DIP2C: variants seen among roughly 807,000 people sequenced by gnomAD.
The protein encoded by DIP2C is disco-interacting protein 2 homolog C.
A neutral mutation model predicts 192.4 loss-of-function variants in DIP2C; 33 were observed. The ratio of observed to expected loss-of-function variants is 0.17; its 90% CI spans 0.13 to 0.23. The LOEUF is 0.23. Ranked by LOEUF, DIP2C falls within the 10% of genes least tolerant of loss-of-function variation. DIP2C has a pLI of 1.00. For synonymous variants in DIP2C, 979 were observed against 864.1 expected, an observed-to-expected ratio of 1.13 and a Z score of -2.33; for missense variants, 1,537 against 2,110.1, an observed-to-expected ratio of 0.73 and a Z score of 5.32.
chr10:342,573 C>T (rs529566239), intron 28 of DIP2C, among the ~76,000 whole-genome samples: 11 of 152,342 alleles, frequency 7.2e-5, no homozygotes, highest in African/African-American at 2.4e-4. Context: ...TGGACATAGC[C>T]TCTGCTGTGC....
intron 1 of DIP2C, among the ~76,000 whole-genome samples, chr10:614,719 C>A (rs932901471): frequency 2.6e-5 from 4 of 152,256 alleles, no homozygotes; most frequent in Non-Finnish European, 5.9e-5. Flanking sequence ...GTAATCAAAT[C>A]TTTATTCTAA....
At chr10:457,176 C>T (rs1476961210) in intron 3 of DIP2C, among the ~76,000 whole-genome samples, 1 of 152,182 alleles carries the variant, frequency 6.6e-6, no homozygotes, top group Non-Finnish European at 1.5e-5. Flanking sequence ...GACTTCCAAG[C>T]TCCTTAGGTG....
In DIP2C at chr10:662,727, A is replaced by C. The variant is rs375961539; in HGVS notation, c.85+26767T>G. The C allele has an allele frequency of 5.7e-5, 34 of 592,166 alleles. No homozygotes were observed. In the South Asian group the frequency reaches 7.9e-4, roughly 14 times the overall value. 36.7% of individuals were successfully genotyped at this position (592,166 alleles called of 1,614,324 possible). A position where few individuals can be genotyped will look rare whatever the true frequency, so the allele number is the denominator to read the frequency against. ...GAAAATATATACAATGTTTGAGGAAATAATTTTTAAAGGTTTCAAATCTAA... is the reference window on the plus strand; with the variant it reads ...GAAAATATATACAATGTTTGAGGAACTAATTTTTAAAGGTTTCAAATCTAA... On this transcript the variant is annotated intron_variant, in intron 1 of 36. Transcript: ENST00000280886.
At chr10:344,170 G>A (rs932424072) in intron 28 of DIP2C, among the ~76,000 whole-genome samples, 2 of 152,148 alleles carry the variant, frequency 1.3e-5, no homozygotes, top group African/African-American at 4.8e-5. Context: ...GCTAACTTCA[G>A]ACCACAGTAA....
In DIP2C at chr10:357,897, A is replaced by C; in HGVS notation, c.2835T>G (p.Ser945=). Residue 945 remains serine (S), a synonymous_variant, in exon 23 of 37, where the codon TCT becomes TCG. Transcript: ENST00000280886. ...PASVMVGNLV[S]GKRIAQASGR... is the part of the protein sequence containing the mutation. ...CACTGGCCTGGGCGATTCTCTTCCCAGAGACCAGGTTCCCCACCATCACAG... is the reference window on the plus strand; with the variant it reads ...CACTGGCCTGGGCGATTCTCTTCCCCGAGACCAGGTTCCCCACCATCACAG... 1 of 1,612,742 alleles carries C rather than the reference A, an allele frequency of 6.2e-7. No individual in the cohort carries two copies. Among genetic ancestry groups the C allele is most frequent in the Non-Finnish European group, 8.5e-7 (1 of 1,179,912 alleles).
chr10:456,336 C>T (rs1367946960), intron 3 of DIP2C, among the ~76,000 whole-genome samples: 1 of 131,654 alleles, frequency 7.6e-6, no homozygotes, highest in Non-Finnish European at 1.5e-5. Context: ...GCAGTGAGTC[C>T]CTGCCTGAGG....
chr10:523,935 A>C (rs1001707843), intron 1 of DIP2C, among the ~76,000 whole-genome samples: 7 of 152,222 alleles, frequency 4.6e-5, no homozygotes. Context: ...CATTTTAGGA[A>C]CCTGAGGGGT....
chr10:502,635 G>A (rs927937748), intron 1 of DIP2C, among the ~76,000 whole-genome samples: 1 of 152,146 alleles, frequency 6.6e-6, no homozygotes, highest in African/African-American at 2.4e-5. Flanking sequence ...TCCAATACCT[G>A]AGTTCAGCCA....
intron 1 of DIP2C, among the ~76,000 whole-genome samples, chr10:640,554 C>T (rs944278369): frequency 6.6e-6 from 1 of 152,128 alleles, no homozygotes; most frequent in African/African-American, 2.4e-5. Flanking sequence ...TAGAAACACA[C>T]GACAGACCCC....
At chr10:464,466 A>C (rs1970049204) in intron 3 of DIP2C, among the ~76,000 whole-genome samples, 1 of 152,226 alleles carries the variant, frequency 6.6e-6, no homozygotes, top group Non-Finnish European at 1.5e-5. Context: ...CGCCAGTTAG[A>C]ATGGTTATCA....
intron 10 of DIP2C, among the ~76,000 whole-genome samples, chr10:393,778 C>CAAAAAAAAAAAAA (rs34390976): frequency 3.0e-5 from 2 of 66,370 alleles, no homozygotes; most frequent in South Asian, 6.3e-4. Context: ...GACTCCGTCT[C>CAAAAAAAAAAAAA]AAAAAAAAAA....
chr10:402,327 C>T lies in DIP2C; in HGVS notation c.1150-3108G>A, dbSNP rs1341142642. Among the ~76,000 whole-genome samples, 21 of 10,414 alleles carry T rather than the reference C, an allele frequency of 2.0e-3. 4 individuals are homozygous for T. The highest frequency in any genetic ancestry group is 2.1e-3 in the African/African-American group (20 of 9,404). The allele number at this position is 10,414 out of a possible 152,430, so 6.8% of individuals were successfully genotyped here. On this transcript the variant is annotated intron_variant, in intron 9 of 36. Transcript: ENST00000280886. ...TCATGTGATTTTACATGTGTGGTAG[C>T]ATTAGCATTACTCTTCCTTATGGAC...
At chr10:459,466 C>G (rs1165377307) in intron 3 of DIP2C, among the ~76,000 whole-genome samples, 2 of 152,248 alleles carry the variant, frequency 1.3e-5, no homozygotes, top group African/African-American at 4.8e-5. Context: ...TGCATGCTCA[C>G]ACATGGAAGT....
In DIP2C at chr10:475,564, G is replaced by A. The variant is rs562191816; in HGVS notation, c.158-3015C>T. ...GCTCGGCTTCTCACAGACCTTACAT[G>A]TCTGATCTCAGAAAGCTACTTTTGC... On this transcript the variant is annotated intron_variant, in intron 2 of 36. Coordinates refer to ENST00000280886, the MANE Select transcript of DIP2C (RefSeq NM_014974.3). Among the ~76,000 whole-genome samples, 8 of 152,196 alleles carry A rather than the reference G, an allele frequency of 5.3e-5. No individual in the cohort carries two copies. The South Asian group carries it at 1.7e-3, about 32-fold the overall frequency.
intron 1 of DIP2C, among the ~76,000 whole-genome samples, chr10:591,939 G>A (rs533502747): frequency 5.9e-5 from 9 of 152,142 alleles, no homozygotes; most frequent in Non-Finnish European, 1.2e-4. Flanking sequence ...GTCTCCATGT[G>A]CTTTACATCT....
rs750187184 is a variant in DIP2C at position 414,054 on chromosome 10, G to A, written c.916C>T (p.Arg306Cys). 21 of 1,613,860 alleles carry A rather than the reference G, an allele frequency of 1.3e-5. No homozygotes were observed. The highest frequency in any genetic ancestry group is 1.1e-4 in the South Asian group (10 of 91,062). Residue 306 changes from arginine (R) to cysteine (C), a missense_variant, in exon 8 of 37, where the codon CGC becomes TGC. This residue lies in a region of DIP2C where 473 missense variants were observed against 539.6 expected (regional missense o/e 0.88). Coordinates refer to ENST00000280886, the MANE Select transcript of DIP2C (RefSeq NM_014974.3). ...KPEGAQMLAM[R>C]GEQLGVVTNW... ...GTGACCACGCCCAGCTGCTCTCCGC[G>A]CATGGCCAGCATCTGGGCCCCCTCC...
intron 5 of DIP2C, 60 bp downstream of exon 5, chr10:422,764 T>G (rs1438553982): frequency 1.9e-6 from 3 of 1,546,346 alleles, no homozygotes; most frequent in Non-Finnish European, 2.6e-6. Context: ...AAACAGAGAA[T>G]GTGCACACAC....
intron 5 of DIP2C, among the ~76,000 whole-genome samples, chr10:419,514 T>A (rs1966030472): frequency 6.6e-6 from 1 of 152,186 alleles, no homozygotes; most frequent in Non-Finnish European, 1.5e-5. Context: ...ACCCTGTGTG[T>A]GTTCACGGAG....
chr10:673,406 A>G (rs1299798981), intron 1 of DIP2C, among the ~76,000 whole-genome samples: 1 of 152,178 alleles, frequency 6.6e-6, no homozygotes, highest in Non-Finnish European at 1.5e-5. Context: ...CTGAAAACTA[A>G]AAGGCACCCT....
Sources: allele counts gnomAD v4.1 joint callset (sites outside exome capture counted in the v4.1 genomes callset), GRCh38; gene constraint gnomAD v4.1.1; regional missense constraint gnomAD v4.1.1; transcripts MANE v1.5; gene names NCBI Gene and HGNC (gene_info 2026-07-23, HGNC 2026-07-21).